Variants in PODXL observed in about 807,000 individuals in gnomAD.
PODXL encodes the protein podocalyxin like.
Under a neutral mutation model 48.9 loss-of-function variants are expected in PODXL, and 20 were observed. That is an observed-to-expected ratio of 0.41 (90% CI 0.29 to 0.59). The LOEUF (loss-of-function observed/expected upper bound fraction) is 0.59, where lower values mean the gene tolerates loss of function less well. Ranked by LOEUF, PODXL falls within the 20% of genes least tolerant of loss-of-function variation. The pLI is 0.31. For missense variants in PODXL, 606 were observed against 675.1 expected, an observed-to-expected ratio of 0.90 and a Z score of 1.13; for synonymous variants, 295 against 287.4, an observed-to-expected ratio of 1.03 and a Z score of -0.27.
At chr7:131,529,520 A>C (rs1372076805) in intron 1 of PODXL, among the ~76,000 whole-genome samples, 6 of 151,642 alleles carry the variant, frequency 4.0e-5, no homozygotes, top group African/African-American at 1.5e-4. Flanking sequence ...GCCAGGGAGG[A>C]GGTGGGATGA....
At chr7:131,516,481 C>T (rs528781180) in intron 1 of PODXL, among the ~76,000 whole-genome samples, 2 of 152,070 alleles carry the variant, frequency 1.3e-5, no homozygotes, top group South Asian at 2.1e-4. Context: ...AGCACCACTG[C>T]ACTCCAACCT....
chr7:131,506,115 T>C, intron 7 of PODXL, 80 bp from the exon 8 acceptor site: 1 of 1,557,680 alleles, frequency 6.4e-7, no homozygotes, highest in Non-Finnish European at 8.8e-7. Context: ...GCCCCTCCGC[T>C]TGCAGTCTGC....
At chr7:131,534,315 C>A (rs527884741) in intron 1 of PODXL, among the ~76,000 whole-genome samples, 2 of 152,336 alleles carry the variant, frequency 1.3e-5, no homozygotes, top group South Asian at 2.1e-4. Flanking sequence ...GAAAGGAAAC[C>A]CAGGCCTGGG....
At position 131,549,066 on chromosome 7, in the gene PODXL, GAGAC is replaced by G. The variant is rs1477397329; in HGVS notation, c.100+7190_100+7193del. Among the ~76,000 whole-genome samples, 8 of 152,202 alleles carry G rather than the reference GAGAC, an allele frequency of 5.3e-5. 1 individual carries two copies. The highest frequency in any genetic ancestry group is 1.9e-4 in the African/African-American group (8 of 41,440). ...ATGGAACTTACAGTCTAACGGGGAA[GAGAC>G]AGACAAACAAACAAACCAATGAACA... On this transcript the variant is annotated intron_variant, in intron 1 of 8. Transcript: ENST00000378555.
At chr7:131,549,885 T>G (rs550934042) in intron 1 of PODXL, among the ~76,000 whole-genome samples, 18 of 152,172 alleles carry the variant, frequency 1.2e-4, no homozygotes, top group African/African-American at 4.3e-4. Flanking sequence ...TGGTGATATA[T>G]GTCGGGGAAG....
At chr7:131,541,588 G>A (rs1333438001) in intron 1 of PODXL, among the ~76,000 whole-genome samples, 1 of 151,896 alleles carries the variant, frequency 6.6e-6, no homozygotes, top group African/African-American at 2.4e-5. Context: ...GGAAGGCTGA[G>A]GCAGATAATT....
intron 3 of PODXL, 99 bp downstream of exon 3, chr7:131,510,137 G>A: frequency 2.4e-6 from 1 of 414,134 alleles, no homozygotes; most frequent in Non-Finnish European, 4.8e-6. Flanking sequence ...TGATCCATAG[G>A]TAGATTTTGA....
intron 1 of PODXL, among the ~76,000 whole-genome samples, chr7:131,526,653 T>G (rs1017043507): frequency 3.3e-5 from 5 of 151,240 alleles, no homozygotes; most frequent in African/African-American, 1.2e-4. Context: ...TAGTGTAAAT[T>G]GGTTGAAACA....
chr7:131,516,086 G>T (rs1033086409), intron 1 of PODXL, among the ~76,000 whole-genome samples: 5 of 152,190 alleles, frequency 3.3e-5, no homozygotes, highest in African/African-American at 1.2e-4. Flanking sequence ...ACCCAGTATG[G>T]GTATGCATAG....
In PODXL at chr7:131,543,711, A is replaced by G. The variant is rs960774373; in HGVS notation, c.100+12549T>C. On this transcript the variant is annotated intron_variant, in intron 1 of 8. Transcript: ENST00000378555. ...CTTGGTTGTTGGACAGGGGAAAGGG[A>G]GGCATCTGACCTGCAGTGAGATGAA... Among the ~76,000 whole-genome samples, 8 of 152,046 alleles carry G rather than the reference A, an allele frequency of 5.3e-5. No individual in the cohort carries two copies. In the East Asian group the frequency reaches 9.7e-4, roughly 18 times the overall value.
At position 131,501,545 on chromosome 7, in the gene PODXL, CCTTCATA is replaced by C. The variant is rs1797703340; in HGVS notation, c.*2759_*2765del. The C allele has an allele frequency of 6.6e-6, 1 of 152,276 alleles. No homozygotes were observed. The highest frequency in any genetic ancestry group is 1.5e-5 in the Non-Finnish European group (1 of 68,046). 9.4% of individuals were successfully genotyped at this position (152,276 alleles called of 1,614,324 possible). ...ACAACGCAAAGAATATTCTGTACCT[CCTTCATA>C]AGCTTTGCTGCCTGTCTCCCCACTC... is the stretch of plus-strand genomic sequence containing the variant. On this transcript the variant is annotated 3_prime_UTR_variant, in exon 9 of 9. Coordinates refer to ENST00000378555, the MANE Select transcript of PODXL (RefSeq NM_001018111.3).
At chr7:131,508,914 G>A (rs767644932) in intron 5 of PODXL, 37 bp downstream of exon 5, 1 of 1,430,512 alleles carries the variant, frequency 7.0e-7, no homozygotes, top group South Asian at 1.1e-5. Flanking sequence ...CCTGCTGTGA[G>A]CCTGCACCTG....
At chr7:131,555,945 G>A (rs1230976812) in intron 1 of PODXL, among the ~76,000 whole-genome samples, 1 of 152,234 alleles carries the variant, frequency 6.6e-6, no homozygotes, top group Non-Finnish European at 1.5e-5. Context: ...GAGCCTCGCG[G>A]TGCGGTCTCC....
intron 1 of PODXL, among the ~76,000 whole-genome samples, chr7:131,532,132 C>A (rs4988704): frequency 0.39 from 52,278 of 135,528 alleles, 9,958 homozygotes; most frequent in East Asian, 0.57. Context: ...TAATCATCAT[C>A]ATCATCATCA....
chr7:131,516,738 T>C (rs1187414810), intron 1 of PODXL, among the ~76,000 whole-genome samples: 1 of 145,314 alleles, frequency 6.9e-6, no homozygotes, highest in Non-Finnish European at 1.5e-5. Context: ...TTTTTTCTCT[T>C]TTTTTTTTTT....
In PODXL at chr7:131,503,709, TAAG is replaced by T; in HGVS notation, c.*599_*601del. The T allele has an allele frequency of 1.3e-5, 2 of 151,658 alleles. No individual in the cohort carries two copies. The highest frequency in any genetic ancestry group is 2.1e-4 in the South Asian group (1 of 4,730). The allele number at this position is 151,658 out of a possible 1,614,324, so 9.4% of individuals were successfully genotyped here. The stretch of plus-strand genomic sequence containing the variant: ...AACAAACACTGAGTGTAGGGAGGGG[TAAG>T]AACATAGAGGGTGGGAAGATGGGTA... On this transcript the variant is annotated 3_prime_UTR_variant, in exon 9 of 9. Coordinates refer to ENST00000378555, the MANE Select transcript of PODXL (RefSeq NM_001018111.3).
intron 7 of PODXL, 43 bp downstream of exon 7, chr7:131,506,217 G>A (rs1004739180): frequency 1.9e-6 from 3 of 1,603,488 alleles, no homozygotes; most frequent in African/African-American, 2.7e-5. Flanking sequence ...TCCCACAAGG[G>A]GCTTCGGAGC....
At chr7:131,522,863 A>G (rs1488539283) in intron 1 of PODXL, among the ~76,000 whole-genome samples, 1 of 151,734 alleles carries the variant, frequency 6.6e-6, no homozygotes, top group South Asian at 2.1e-4. Context: ...TCTGTTCCTT[A>G]CTCCTTTGTA....
At chr7:131,506,855 C>T in intron 5 of PODXL, 129 bp from the exon 6 acceptor site, 1 of 929,994 alleles carries the variant, frequency 1.1e-6, no homozygotes, top group Non-Finnish European at 1.7e-6. Context: ...TCTCTAGCCC[C>T]AGCTGGTGCT....
Sources: gnomAD v4.1 joint callset for allele counts (sites outside exome capture counted in the v4.1 genomes callset) on GRCh38, gnomAD v4.1.1 for gene constraint, MANE v1.5 for transcripts, NCBI Gene and HGNC (gene_info 2026-07-23, HGNC 2026-07-21) for gene names.